Variants in PDE1C observed in about 807,000 individuals in gnomAD.
PDE1C encodes dual specificity calcium/calmodulin-dependent 3',5'-cyclic nucleotide phosphodiesterase 1C.
Under a neutral mutation model 93.1 loss-of-function variants are expected in PDE1C, and 62 were observed. The ratio of observed to expected loss-of-function variants is 0.67; its 90% CI spans 0.54 to 0.82. The LOEUF is 0.82. Among genes scored for constraint, PDE1C ranks in the 40% least tolerant of loss-of-function variants. The probability of loss-of-function intolerance (pLI) is 0.00; values close to 1 mark genes in which losing one functional copy is unlikely to be tolerated. For synonymous variants in PDE1C, 325 were observed against 310.1 expected (o/e 1.05, Z -0.50); for missense variants, 742 against 884.6 (o/e 0.84, Z 2.04).
Position 31,960,087 on chromosome 7 carries a change from C to G in PDE1C, c.129-79227G>C, listed in dbSNP as rs191161241. Among the ~76,000 whole-genome samples the G allele has an allele frequency of 6.7e-3, 1,017 of 152,178 alleles. 13 individuals are homozygous for G. The highest frequency in any genetic ancestry group is 0.023 in the African/African-American group (972 of 41,496). On this transcript the variant is annotated intron_variant, in intron 2 of 17. Transcript: ENST00000396191. ...CCCCATCTTTGCCATGTTGGCCAGC[C>G]TGGTCTTGAATCCTTGACCTCAGGT...
In PDE1C at chr7:32,084,866, A is replaced by T. The variant is rs192109947; in HGVS notation, c.308+84919T>A. Among the ~76,000 whole-genome samples, 1,039 of 147,828 alleles carry T rather than the reference A, an allele frequency of 7.0e-3. 18 individuals carry two copies. The highest frequency in any genetic ancestry group is 0.013 in the Admixed American group (196 of 14,760). On this transcript the variant is annotated intron_variant, in intron 3 of 18. Coordinates refer to the PDE1C transcript ENST00000396193. ...GCATTCAAAGCAGTGTGTAGAGGGA[A>T]ATTTATAGCACTAAAAGCCCACAAG...
the PDE1C span, among the ~76,000 whole-genome samples, chr7:31,733,451 A>G: frequency 6.6e-6 from 1 of 152,196 alleles, no homozygotes. Flanking sequence ...GGCAGAGAAC[A>G]GCCACTATGG....
rs11764052 is a variant in PDE1C at position 32,253,172 on chromosome 7, T to C, written c.86-43633A>G. On this transcript the variant is annotated intron_variant, in intron 1 of 18. Coordinates refer to the PDE1C transcript ENST00000396193. The stretch of plus-strand genomic sequence containing the variant: ...AATATTTAATACTCGTGACAACCTA[T>C]GAAGTAGGCATCAACATCTATTATA... Among the ~76,000 whole-genome samples the C allele has an allele frequency of 9.4e-3, 1,436 of 152,340 alleles. 9 individuals are homozygous for C. The highest frequency in any genetic ancestry group is 0.044 in the Middle Eastern group (13 of 294).
intron 3 of PDE1C, among the ~76,000 whole-genome samples, chr7:32,151,237 C>T (rs1334568653): frequency 2.6e-5 from 4 of 152,130 alleles, no homozygotes; most frequent in African/African-American, 9.7e-5. Context: ...CCCCCACAAA[C>T]AGAATGATAA....
At chr7:31,684,301 G>A in the PDE1C span, among the ~76,000 whole-genome samples, 1 of 152,178 alleles carries the variant, frequency 6.6e-6, no homozygotes, top group Non-Finnish European at 1.5e-5. Flanking sequence ...TGGAAATTAA[G>A]TGACAAAAGG....
chr7:32,424,789 C>G (rs1168527738), intron 1 of PDE1C, among the ~76,000 whole-genome samples: 3 of 152,042 alleles, frequency 2.0e-5, no homozygotes, highest in Non-Finnish European at 4.4e-5. Context: ...GGTGGTCCCA[C>G]GGCACTCCAG....
chr7:32,428,188 G>A, upstream of PDE1C: 1 of 152,508 alleles, frequency 6.6e-6, no homozygotes, highest in Non-Finnish European at 1.5e-5. Context: ...GGAATCCACG[G>A]CCCTCGCCTG....
At chr7:31,634,329 C>G in the PDE1C span, among the ~76,000 whole-genome samples, 1 of 152,094 alleles carries the variant, frequency 6.6e-6, no homozygotes, top group African/African-American at 2.4e-5. Flanking sequence ...TGAGTTATAA[C>G]AGATAATATT....
intron 1 of PDE1C, among the ~76,000 whole-genome samples, chr7:32,365,178 G>T (rs986127982): frequency 6.6e-6 from 1 of 152,164 alleles, no homozygotes; most frequent in African/African-American, 2.4e-5. Context: ...GGCTGCCCTT[G>T]TGCTCCCAGT....
intron 7 of PDE1C, among the ~76,000 whole-genome samples, chr7:31,863,594 T>TTATAAC (rs1429358436): frequency 1.9e-4 from 29 of 152,280 alleles, no homozygotes; most frequent in Admixed American, 1.4e-3. Flanking sequence ...AAAGATAGTG[T>TTATAAC]TTTAAATACT....
intron 3 of PDE1C, among the ~76,000 whole-genome samples, chr7:32,121,416 G>A (rs1455117228): frequency 6.6e-6 from 1 of 151,738 alleles, no homozygotes; most frequent in Non-Finnish European, 1.5e-5. Flanking sequence ...TCAACCCCAA[G>A]ACACATAATC....
At chr7:32,177,424 C>A (rs1427166450) in intron 2 of PDE1C, among the ~76,000 whole-genome samples, 2 of 152,124 alleles carry the variant, frequency 1.3e-5, no homozygotes, top group Non-Finnish European at 2.9e-5. Context: ...GCCAGACATG[C>A]CTGGTTCCAG....
intron 2 of PDE1C, among the ~76,000 whole-genome samples, chr7:32,207,278 T>C (rs1212863168): frequency 6.6e-6 from 1 of 150,730 alleles, no homozygotes; most frequent in Non-Finnish European, 1.5e-5. Flanking sequence ...GATTCCGTAC[T>C]GGGCAACGCA....
At chr7:31,883,564 G>C (rs1376821405) in intron 2 of PDE1C, among the ~76,000 whole-genome samples, 1 of 152,160 alleles carries the variant, frequency 6.6e-6, no homozygotes, top group Non-Finnish European at 1.5e-5. Flanking sequence ...CTCATCAGTT[G>C]AAAAATAATT....
chr7:32,416,377 C>G (rs1000741049), intron 1 of PDE1C, among the ~76,000 whole-genome samples: 3 of 152,168 alleles, frequency 2.0e-5, no homozygotes, highest in South Asian at 2.1e-4. Flanking sequence ...AGCCATCCCC[C>G]CTCCCTGTTC....
chr7:31,915,679 G>C (rs1288053415), intron 2 of PDE1C, among the ~76,000 whole-genome samples: 1 of 152,114 alleles, frequency 6.6e-6, no homozygotes, highest in Non-Finnish European at 1.5e-5. Context: ...AGGTTACTGT[G>C]ATAATTTTTA....
chr7:32,054,179 T>C (rs1306573459), intron 1 of PDE1C, among the ~76,000 whole-genome samples: 1 of 152,134 alleles, frequency 6.6e-6, no homozygotes, highest in Non-Finnish European at 1.5e-5. Flanking sequence ...CACCCTCTTC[T>C]GTGCTCCCAC....
chr7:32,267,345 G>A (rs1405341917), intron 1 of PDE1C, among the ~76,000 whole-genome samples: 2 of 152,184 alleles, frequency 1.3e-5, no homozygotes, highest in Non-Finnish European at 2.9e-5. Context: ...ATGTCTCCAG[G>A]AATCTGTGGC....
chr7:31,967,575 A>C (rs1490154302), intron 2 of PDE1C, among the ~76,000 whole-genome samples: 3 of 152,228 alleles, frequency 2.0e-5, no homozygotes, highest in Non-Finnish European at 4.4e-5. Flanking sequence ...ATTCCAATCA[A>C]TAAATAAAGA....
Sources: allele counts gnomAD v4.1 joint callset (sites outside exome capture counted in the v4.1 genomes callset), GRCh38; gene constraint gnomAD v4.1.1; transcripts MANE v1.5; gene names NCBI Gene and HGNC (gene_info 2026-07-23, HGNC 2026-07-21).